The following OR3A2 variants were observed in gnomAD, a reference collection of about 807,000 sequenced individuals.
OR3A2 encodes olfactory receptor 3A2.
For missense variants in OR3A2, 318 were observed against 392.8 expected, an observed-to-expected ratio of 0.81 and a Z score of 1.61; for synonymous variants, 126 against 159.3, an observed-to-expected ratio of 0.79 and a Z score of 1.57.
chr17:3,347,907 T>C (rs906931748), intron 2 of OR3A2, among the ~76,000 whole-genome samples: 2 of 152,210 alleles, frequency 1.3e-5, no homozygotes, highest in Non-Finnish European at 2.9e-5. Context: ...CCAGCACCTA[T>C]TGCTTCCTGA....
intron 1 of OR3A2, among the ~76,000 whole-genome samples, chr17:3,281,780 C>T (rs2048778383): frequency 6.6e-6 from 1 of 152,140 alleles, no homozygotes; most frequent in Non-Finnish European, 1.5e-5. Context: ...TATTTCCAGC[C>T]TCGATTTCCA....
chr17:3,348,932 A>G (rs1174562923), intron 2 of OR3A2, among the ~76,000 whole-genome samples: 4 of 152,042 alleles, frequency 2.6e-5, no homozygotes, highest in African/African-American at 9.7e-5. Flanking sequence ...AGCCAAACTA[A>G]GCTTCATAAG....
upstream of OR3A2, among the ~76,000 whole-genome samples, chr17:3,289,366 T>C (rs2048843721): frequency 6.6e-6 from 1 of 152,216 alleles, no homozygotes; most frequent in South Asian, 2.1e-4. Flanking sequence ...CGTGTGATCC[T>C]GGAGGGTGAA....
Position 3,311,485 on chromosome 17 carries a change from T to C in OR3A2, c.-85+24548A>G, listed in dbSNP as rs978910799. On this transcript the variant is annotated intron_variant, in intron 3 of 4. Transcript: ENST00000573491. The surrounding 1 kb of genome is among the most constrained non-coding windows in gnomAD (Gnocchi z 4.6). ...TGCTCTGACTCACACAGTGGCTGTG[T>C]CTGCGCTTGACTTCTGTGGCCCTAA... 2 of 438,830 alleles carry C rather than the reference T, an allele frequency of 4.6e-6. No individual in the cohort carries two copies. Among genetic ancestry groups the C allele is most frequent in the African/African-American group, 4.1e-5 (2 of 48,818 alleles). 27.2% of individuals were successfully genotyped at this position (438,830 alleles called of 1,614,324 possible).
At chr17:3,296,012 T>C (rs2048915595) in intron 3 of OR3A2, among the ~76,000 whole-genome samples, 2 of 152,106 alleles carry the variant, frequency 1.3e-5, no homozygotes, top group Non-Finnish European at 2.9e-5. Context: ...ATAAAGGCGA[T>C]AAAAACCTCA....
intron 2 of OR3A2, among the ~76,000 whole-genome samples, chr17:3,346,295 T>C (rs7213950): frequency 2.6e-5 from 4 of 152,154 alleles, no homozygotes; most frequent in African/African-American, 9.7e-5. Flanking sequence ...TATAAGTACA[T>C]GAGATATTTT....
At chr17:3,347,278 T>A (rs1381646161) in intron 2 of OR3A2, among the ~76,000 whole-genome samples, 1 of 152,126 alleles carries the variant, frequency 6.6e-6, no homozygotes, top group Non-Finnish European at 1.5e-5. Flanking sequence ...AGTTTTAGGG[T>A]ACATGTGCAC....
chr17:3,321,688 A>G (rs542159788), intron 3 of OR3A2, among the ~76,000 whole-genome samples: 1 of 152,268 alleles, frequency 6.6e-6, no homozygotes, highest in South Asian at 2.1e-4. Flanking sequence ...ACATTTATTG[A>G]TTGGCATATG....
In OR3A2 at chr17:3,296,095, A is replaced by G. The variant is rs539477832; in HGVS notation, c.-84-16942T>C. 2.0e-5 allele frequency among the ~76,000 whole-genome samples: 3 copies of G among 152,294 alleles called. No homozygotes were observed. The East Asian group carries it at 5.8e-4, about 29-fold the overall frequency. On this transcript the variant is annotated intron_variant, in intron 3 of 4. Coordinates refer to the OR3A2 transcript ENST00000573491. The stretch of plus-strand genomic sequence containing the variant: ...AGTGCCCATGAAACATTTACTGCCC[A>G]GAAACAGCATATATAAAACCAGAAA...
chr17:3,329,781 C>G (rs1426350239), intron 3 of OR3A2, among the ~76,000 whole-genome samples: 18 of 112,878 alleles, frequency 1.6e-4, no homozygotes, highest in Non-Finnish European at 2.2e-4. Flanking sequence ...TCTTGCTTTT[C>G]TAGTTCTTTT....
chr17:3,310,566 A>C (rs1242432224), intron 3 of OR3A2: 1 of 536,588 alleles, frequency 1.9e-6, no homozygotes, highest in East Asian at 5.4e-5. Context: ...TGCCATGCTG[A>C]GCCATTTCAT....
At chr17:3,279,248 G>T in intron 1 of OR3A2, 95 bp from the exon 4 acceptor site, 1 of 402,172 alleles carries the variant, frequency 2.5e-6, no homozygotes, top group Non-Finnish European at 4.4e-6. Flanking sequence ...GGGGGAAATG[G>T]GTAACTATGT....
chr17:3,330,305 A>C (rs909616771), intron 3 of OR3A2, among the ~76,000 whole-genome samples: 1 of 149,896 alleles, frequency 6.7e-6, no homozygotes, highest in Non-Finnish European at 1.5e-5. Context: ...TAATGTTGAC[A>C]ATGGGGTGTT....
intron 2 of OR3A2, among the ~76,000 whole-genome samples, chr17:3,362,918 C>G (rs1597358978): frequency 6.6e-6 from 1 of 151,854 alleles, no homozygotes; most frequent in African/African-American, 2.4e-5. Flanking sequence ...GAAACAATGG[C>G]CTGAGCTGTA....
chr17:3,382,628 A>C (rs1170641254), intron 2 of OR3A2, among the ~76,000 whole-genome samples: 2 of 152,178 alleles, frequency 1.3e-5, no homozygotes, highest in African/African-American at 4.8e-5. Flanking sequence ...TTACAGCACT[A>C]GGGAGGAAGA....
intron 2 of OR3A2, among the ~76,000 whole-genome samples, chr17:3,355,476 GT>G (rs2049459489): frequency 6.9e-6 from 1 of 144,366 alleles, no homozygotes; most frequent in South Asian, 2.2e-4. Flanking sequence ...CTCTAATAAT[GT>G]TTGCTTTATA....
intron 3 of OR3A2, among the ~76,000 whole-genome samples, chr17:3,315,504 T>G (rs1053413665): frequency 2.6e-5 from 4 of 152,176 alleles, no homozygotes; most frequent in South Asian, 2.1e-4. Context: ...AAGCGTCTGT[T>G]CATGTTCTTT....
rs765791425 is a variant in OR3A2, at chr17:3,311,227, G to T, written c.-85+24806C>A. The stretch of plus-strand genomic sequence containing the variant: ...CTGGACGTCGGGTGCATCAGTCACT[G>T]TTCCTCCGATGCTGGCGTGTCTCCA... On this transcript the variant is annotated intron_variant, in intron 3 of 4. Transcript: ENST00000573491. This position sits in a 1 kb window ranked among gnomAD's most constrained non-coding sequence, Gnocchi z 4.6. 9.3e-6 allele frequency: 5 copies of T among 536,144 alleles called. No homozygotes were observed. The highest frequency in any genetic ancestry group is 7.0e-5 in the South Asian group (5 of 71,622). 33.2% of individuals were successfully genotyped at this position (536,144 alleles called of 1,614,324 possible).
chr17:3,332,471 C>T (rs1044865334), intron 3 of OR3A2, among the ~76,000 whole-genome samples: 2 of 152,182 alleles, frequency 1.3e-5, no homozygotes, highest in African/African-American at 4.8e-5. Flanking sequence ...TTTCCAGGTG[C>T]GTCCGTCACC....
Sources: gnomAD v4.1 joint callset for allele counts (sites outside exome capture counted in the v4.1 genomes callset) on GRCh38, gnomAD v4.1.1 for gene constraint, Gnocchi (gnomAD v3.1) non-coding constraint, MANE v1.5 for transcripts, NCBI Gene and HGNC (gene_info 2026-07-23, HGNC 2026-07-21) for gene names.